The following B3GALT1 variants were observed in gnomAD, a reference collection of about 807,000 sequenced individuals.
B3GALT1 encodes the protein UDP-Gal:betaGlcNAc beta 1,3-galactosyltransferase, polypeptide 1.
A neutral mutation model predicts 23.2 loss-of-function variants in B3GALT1; 10 were observed. That is an observed-to-expected ratio of 0.43 (90% CI 0.27 to 0.73). The LOEUF (loss-of-function observed/expected upper bound fraction) is 0.73, where lower values mean the gene tolerates loss of function less well. Ranked by LOEUF, B3GALT1 falls within the 30% of genes least tolerant of loss-of-function variation. B3GALT1 has a pLI of 0.21. For synonymous variants in B3GALT1, 156 were observed against 141.5 expected, an observed-to-expected ratio of 1.10 and a Z score of -0.73; for missense variants, 299 against 405.4, an observed-to-expected ratio of 0.74 and a Z score of 2.25.
intron 2 of B3GALT1, among the ~76,000 whole-genome samples, chr2:167,512,637 C>A (rs60760691): frequency 1.5e-5 from 1 of 64,940 alleles, no homozygotes. Flanking sequence ...TATATATATA[C>A]ATATATATAT....
intron 2 of B3GALT1, among the ~76,000 whole-genome samples, chr2:167,530,521 T>G (rs1033072981): frequency 5.9e-5 from 9 of 152,346 alleles, no homozygotes; most frequent in Non-Finnish European, 4.4e-5. Flanking sequence ...AATAAAATGT[T>G]AATCCTCTTT....
At chr2:167,314,387 A>G (rs1696679695) in intron 1 of B3GALT1, among the ~76,000 whole-genome samples, 2 of 152,142 alleles carry the variant, frequency 1.3e-5, no homozygotes, top group Admixed American at 1.3e-4. Context: ...TAACATTATA[A>G]GCTAATTGGT....
At chr2:167,402,400 A>G (rs900001141) in intron 1 of B3GALT1, among the ~76,000 whole-genome samples, 2 of 152,136 alleles carry the variant, frequency 1.3e-5, no homozygotes, top group Non-Finnish European at 2.9e-5. Flanking sequence ...ACATGCATTT[A>G]AGCAAGATGA....
intron 1 of B3GALT1, among the ~76,000 whole-genome samples, chr2:167,400,715 A>G (rs1698175017): frequency 6.6e-6 from 1 of 152,122 alleles, no homozygotes; most frequent in Non-Finnish European, 1.5e-5. Flanking sequence ...GGATTTGGAA[A>G]GGGCTGGAGG....
intron 3 of B3GALT1, among the ~76,000 whole-genome samples, chr2:167,718,707 A>G (rs1016640208): frequency 1.3e-5 from 2 of 152,130 alleles, no homozygotes; most frequent in Admixed American, 6.5e-5. Context: ...GTGTGATGGG[A>G]GGACAAAAGG....
chr2:167,643,006 A>T (rs77120264), intron 2 of B3GALT1, among the ~76,000 whole-genome samples: 1,681 of 152,302 alleles, frequency 0.011, 14 homozygotes, highest in South Asian at 0.036. Flanking sequence ...ATGTGTAAGG[A>T]TGTAAAGAAC....
rs192818634 is a variant in B3GALT1 at position 167,594,936 on chromosome 2, A to C, written c.-409-51973A>C. ...AAAAAGAAAAGAAACAAAAACTTGG[A>C]TAATGGACAAACGTGTGGGCAGCTG... On this transcript the variant is annotated intron_variant, in intron 2 of 4. Transcript: ENST00000392690. Among the ~76,000 whole-genome samples the C allele has an allele frequency of 7.2e-5, 11 of 152,234 alleles. No individual in the cohort carries two copies. In the East Asian group the frequency reaches 1.9e-3, roughly 27 times the overall value.
chr2:167,554,927 A>G (rs1425346896), intron 2 of B3GALT1, among the ~76,000 whole-genome samples: 1 of 152,212 alleles, frequency 6.6e-6, no homozygotes, highest in Non-Finnish European at 1.5e-5. Context: ...CATGTTAATT[A>G]ATCATATACA....
At chr2:167,806,051 G>A (rs187080386) in intron 3 of B3GALT1, among the ~76,000 whole-genome samples, 7 of 152,110 alleles carry the variant, frequency 4.6e-5, no homozygotes, top group Non-Finnish European at 1.0e-4. Flanking sequence ...CACATCCCTT[G>A]TAAGTTGGAT....
chr2:167,796,469 C>A (rs1295587509), intron 3 of B3GALT1, among the ~76,000 whole-genome samples: 4 of 151,974 alleles, frequency 2.6e-5, no homozygotes, highest in African/African-American at 9.7e-5. Flanking sequence ...TTTTATAGGC[C>A]AGGTATGGTG....
intron 3 of B3GALT1, among the ~76,000 whole-genome samples, chr2:167,674,330 C>G (rs929282805): frequency 6.6e-6 from 1 of 152,104 alleles, no homozygotes; most frequent in African/African-American, 2.4e-5. Flanking sequence ...CTCCATCTCT[C>G]CCTGCTTCCT....
intron 2 of B3GALT1, among the ~76,000 whole-genome samples, chr2:167,540,365 C>T (rs1284454626): frequency 6.6e-6 from 1 of 152,128 alleles, no homozygotes; most frequent in Non-Finnish European, 1.5e-5. Flanking sequence ...ATCTCAGGCC[C>T]CATCCCACAA....
At chr2:167,600,710 C>A (rs1477492132) in intron 2 of B3GALT1, among the ~76,000 whole-genome samples, 1 of 152,146 alleles carries the variant, frequency 6.6e-6, no homozygotes, top group Non-Finnish European at 1.5e-5. Flanking sequence ...TGACATGTGT[C>A]AGGACTGCAT....
chr2:167,494,466 T>C (rs1316486283), intron 2 of B3GALT1, among the ~76,000 whole-genome samples: 2 of 152,064 alleles, frequency 1.3e-5, no homozygotes, highest in African/African-American at 2.4e-5. Flanking sequence ...TTTCACTGTT[T>C]TAAAATATGA....
chr2:167,349,438 T>C (rs983360246), intron 1 of B3GALT1, among the ~76,000 whole-genome samples: 1 of 152,156 alleles, frequency 6.6e-6, no homozygotes, highest in South Asian at 2.1e-4. Flanking sequence ...AATTCGGATA[T>C]GCCAAAAGAG....
intron 2 of B3GALT1, among the ~76,000 whole-genome samples, chr2:167,618,237 A>G (rs1372248276): frequency 6.6e-6 from 1 of 152,106 alleles, no homozygotes; most frequent in Non-Finnish European, 1.5e-5. Context: ...TCTCTAATAC[A>G]AAATTTCTGA....
chr2:167,713,668 T>C, intron 3 of B3GALT1: 1 of 1,388,438 alleles, frequency 7.2e-7, no homozygotes, highest in Non-Finnish European at 1.0e-6. Context: ...GATTTCTTGC[T>C]GTGGTTCTGG....
chr2:167,521,999 T>TAC (rs1362702603), intron 2 of B3GALT1, among the ~76,000 whole-genome samples: 2 of 146,538 alleles, frequency 1.4e-5, no homozygotes, highest in Admixed American at 1.4e-4. Flanking sequence ...TATATATATA[T>TAC]ATATATACAC....
intron 3 of B3GALT1, among the ~76,000 whole-genome samples, chr2:167,651,872 C>T (rs1685875734): frequency 6.6e-6 from 1 of 152,146 alleles, no homozygotes; most frequent in Non-Finnish European, 1.5e-5. Context: ...TATCATGACA[C>T]CTTACAAAGG....
Sources: allele counts gnomAD v4.1 joint callset (sites outside exome capture counted in the v4.1 genomes callset), GRCh38; gene constraint gnomAD v4.1.1; transcripts MANE v1.5; gene names NCBI Gene and HGNC (gene_info 2026-07-23, HGNC 2026-07-21).